Variants in ACACA observed in about 807,000 individuals in gnomAD.
ACACA encodes acetyl-CoA carboxylase alpha, also known as acetyl-CoA carboxylase 1.
A neutral mutation model predicts 296.1 loss-of-function variants in ACACA; 103 were observed. The observed-to-expected ratio is 0.35, with a 90% CI of 0.30 to 0.41. ACACA has a LOEUF of 0.41. Ranked by LOEUF, ACACA falls within the 10% of genes least tolerant of loss-of-function variation. The pLI is 1.00. For synonymous variants in ACACA, 953 were observed against 1,038.6 expected, an observed-to-expected ratio of 0.92 and a Z score of 1.58; for missense variants, 1,554 against 2,989.7, an observed-to-expected ratio of 0.52 and a Z score of 11.20.
rs973204067 is a variant in ACACA, at chr17:37,270,971, C to T, written c.1009-110G>A. 4 of 770,518 alleles carry T rather than the reference C, an allele frequency of 5.2e-6. No individual in the cohort carries two copies. In the African/African-American group the frequency reaches 5.3e-5, roughly 10 times the overall value. The allele number at this position is 770,518 out of a possible 1,614,324, so 47.7% of individuals were successfully genotyped here. ...TGCAGTCATTTAGTAATTCTAAATA[C>T]AATAAAATAGAAAGATCTTCAAGAT... On this transcript the variant is annotated intron_variant, in intron 9 of 55. Coordinates refer to ENST00000616317, the MANE Select transcript of ACACA (RefSeq NM_198834.3).
chr17:37,257,410 G>A (rs2081273877), intron 14 of ACACA, among the ~76,000 whole-genome samples: 2 of 152,046 alleles, frequency 1.3e-5, no homozygotes, highest in Admixed American at 1.3e-4. Context: ...TACTGTTCCT[G>A]TGGAAAAATA....
intron 50 of ACACA, 70 bp downstream of exon 50, chr17:37,121,285 A>G (rs1016630462): frequency 1.2e-6 from 2 of 1,602,306 alleles, no homozygotes; most frequent in African/African-American, 2.7e-5. Flanking sequence ...TGCTGAATCT[A>G]TACCCTCCCT....
intron 52 of ACACA, among the ~76,000 whole-genome samples, chr17:37,101,086 G>GAAAAAAAA (rs769214258): frequency 1.8e-5 from 1 of 56,370 alleles, no homozygotes; most frequent in Non-Finnish European, 3.4e-5. Flanking sequence ...GACTGTCTCA[G>GAAAAAAAA]AAAAAAAAAA....
At chr17:37,304,029 AATTTGCATTTTCCTAATACTAATTAAT>A (rs2083754280) in intron 3 of ACACA, among the ~76,000 whole-genome samples, 1 of 152,172 alleles carries the variant, frequency 6.6e-6, no homozygotes, top group Non-Finnish European at 1.5e-5. Context: ...TTGCTATTTT[AATTTGCATTTTCCTAATACTAATTAAT>A]ATTTGCATTT....
intron 41 of ACACA, among the ~76,000 whole-genome samples, chr17:37,173,982 TTA>T (rs1173883631): frequency 3.4e-3 from 66 of 19,422 alleles, no homozygotes; most frequent in Non-Finnish European, 3.7e-3. Context: ...CCTGGCTAAT[TTA>T]TATATATATA....
At chr17:37,190,192 G>A (rs1293776256) in intron 38 of ACACA, among the ~76,000 whole-genome samples, 1 of 152,082 alleles carries the variant, frequency 6.6e-6, no homozygotes, top group Non-Finnish European at 1.5e-5. Flanking sequence ...ACTTTGGGAG[G>A]CTGAGGCAGG....
At chr17:37,134,052 A>C (rs1451732224) in intron 45 of ACACA, among the ~76,000 whole-genome samples, 2 of 152,188 alleles carry the variant, frequency 1.3e-5, no homozygotes, top group Admixed American at 6.5e-5. Context: ...GGCACCACAT[A>C]AAAGCCGGTG....
At chr17:37,215,364 GCTT>G (rs1457109035) in intron 29 of ACACA, among the ~76,000 whole-genome samples, 1 of 152,100 alleles carries the variant, frequency 6.6e-6, no homozygotes, top group Admixed American at 6.5e-5. Flanking sequence ...CAAATGTGAT[GCTT>G]CTTATTTGAA....
At chr17:37,208,050 T>A (rs1316051108) in intron 30 of ACACA, among the ~76,000 whole-genome samples, 1 of 152,160 alleles carries the variant, frequency 6.6e-6, no homozygotes, top group Non-Finnish European at 1.5e-5. Context: ...CTAAGAACTG[T>A]TAGGAATTTC....
chr17:37,176,889 T>TA (rs1237810666), intron 41 of ACACA, among the ~76,000 whole-genome samples: 1 of 152,158 alleles, frequency 6.6e-6, no homozygotes, highest in Non-Finnish European at 1.5e-5. Context: ...CATTAGTCAC[T>TA]AACTGCTCAC....
intron 1 of ACACA, among the ~76,000 whole-genome samples, chr17:37,344,982 G>A (rs994216380): frequency 3.3e-5 from 5 of 152,170 alleles, no homozygotes; most frequent in Admixed American, 3.3e-4. Flanking sequence ...ACAGTAAGGG[G>A]CAGGGTACAA....
In ACACA at chr17:37,231,533, A is replaced by G. The variant is rs2079859611; in HGVS notation, c.3246+3442T>C. The stretch of plus-strand genomic sequence containing the variant: ...TGAGAAAGACTTTTCTTCTTTATTT[A>G]CATATTGGACAAAATTATTTGCAGT... On this transcript the variant is annotated intron_variant, in intron 25 of 55. Coordinates refer to ENST00000616317, the MANE Select transcript of ACACA (RefSeq NM_198834.3). 2.0e-5 allele frequency among the ~76,000 whole-genome samples: 3 copies of G among 152,186 alleles called. No individual in the cohort carries two copies. In the South Asian group the frequency reaches 6.2e-4, roughly 31 times the overall value.
At chr17:37,385,958 G>T (rs1290948398) in intron 1 of ACACA, 3 of 1,248,378 alleles carry the variant, frequency 2.4e-6, no homozygotes, top group Non-Finnish European at 3.4e-6. Context: ...AAAACCAAAG[G>T]CAGGATAAAG....
chr17:37,157,531 CTTTT>C (rs397687787), intron 42 of ACACA, among the ~76,000 whole-genome samples: 1 of 90,486 alleles, frequency 1.1e-5, no homozygotes, highest in Non-Finnish European at 2.0e-5. Context: ...ATCATTCTAT[CTTTT>C]TTTTTTTTTT....
chr17:37,381,678 A>G (rs1597754125), intron 1 of ACACA, among the ~76,000 whole-genome samples: 1 of 130,872 alleles, frequency 7.6e-6, no homozygotes, highest in Middle Eastern at 5.6e-3. Flanking sequence ...CCCAGGCTGG[A>G]GTGCAGTGGT....
chr17:37,161,624 T>C (rs754067934), intron 42 of ACACA, 157 bp downstream of exon 42: 5 of 824,502 alleles, frequency 6.1e-6, no homozygotes, highest in Admixed American at 2.8e-5. Context: ...GTCTTTAATA[T>C]GGTGTCTTAA....
At chr17:37,216,297 A>C (rs934722072) in intron 29 of ACACA, among the ~76,000 whole-genome samples, 1 of 151,846 alleles carries the variant, frequency 6.6e-6, no homozygotes, top group Non-Finnish European at 1.5e-5. Flanking sequence ...TTTAGAAGTA[A>C]AGGGTAAATC....
chr17:37,195,746 C>T (rs757697337), intron 35 of ACACA, among the ~76,000 whole-genome samples: 1 of 152,088 alleles, frequency 6.6e-6, no homozygotes, highest in Non-Finnish European at 1.5e-5. Flanking sequence ...AAGAAGAAAT[C>T]TAAAAGTCTG....
At position 37,235,780 on chromosome 17, in the gene ACACA, C is replaced by T. The variant is rs72826199; in HGVS notation, c.3122-681G>A. Among the ~76,000 whole-genome samples the T allele has an allele frequency of 8.4e-3, 1,273 of 152,198 alleles. 9 individuals are homozygous for T. The highest frequency in any genetic ancestry group is 0.013 in the Non-Finnish European group (893 of 68,010). ...AACCCAAGGTATAGATCAAGGAGAA[C>T]CTTGCATTAAGTCAAAAGGTCTGTA... On this transcript the variant is annotated intron_variant, in intron 24 of 55. Transcript: ENST00000616317.
Sources: allele counts gnomAD v4.1 joint callset (sites outside exome capture counted in the v4.1 genomes callset), GRCh38; gene constraint gnomAD v4.1.1; transcripts MANE v1.5; gene names NCBI Gene and HGNC (gene_info 2026-07-23, HGNC 2026-07-21).